The following AGAP1 variants were observed in gnomAD, a reference collection of about 807,000 sequenced individuals.
The protein encoded by AGAP1 is ArfGAP with GTPase domain, ankyrin repeat and PH domain 1.
In AGAP1, 29 loss-of-function variants were observed where a neutral mutation model predicts 105.3. The ratio of observed to expected loss-of-function variants is 0.28; its 90% confidence interval spans 0.21 to 0.38. The LOEUF (loss-of-function observed/expected upper bound fraction) is 0.38. Among genes scored for constraint, AGAP1 ranks in the 10% least tolerant of loss-of-function variants. AGAP1 has a pLI of 1.00. For missense variants in AGAP1, 998 were observed against 1,165.1 expected, an observed-to-expected ratio of 0.86 and a Z score of 2.09; for synonymous variants, 509 against 485.9, an observed-to-expected ratio of 1.05 and a Z score of -0.63.
In AGAP1 at chr2:235,959,711, G is replaced by T. The variant is rs777306016; in HGVS notation, c.1484-8751G>T. On this transcript the variant is annotated intron_variant, in intron 12 of 17. Transcript: ENST00000304032. This position sits in a 1 kb window ranked among gnomAD's most constrained non-coding sequence, Gnocchi z 7.3. ...TCAGCACCATGATGGCCACTCCCTCGTGTAGCCGGTTCCCCTGCTGCTGCA... is the reference window on the plus strand; with the variant it reads ...TCAGCACCATGATGGCCACTCCCTCTTGTAGCCGGTTCCCCTGCTGCTGCA... Among the ~76,000 whole-genome samples, 6 of 152,170 alleles carry T rather than the reference G, an allele frequency of 3.9e-5. 1 individual carries two copies. The South Asian group carries it at 1.2e-3, about 32-fold the overall frequency.
chr2:235,781,340 C>T (rs976012514), intron 6 of AGAP1, among the ~76,000 whole-genome samples: 6 of 152,088 alleles, frequency 3.9e-5, no homozygotes, highest in Non-Finnish European at 8.8e-5. Flanking sequence ...GGATTCATTC[C>T]CTGGAAATGG....
chr2:235,980,745 G>A (rs568551553), intron 13 of AGAP1, among the ~76,000 whole-genome samples: 17 of 152,298 alleles, frequency 1.1e-4, no homozygotes, highest in Non-Finnish European at 1.6e-4. Context: ...CCGTGTGACC[G>A]TGGAGCTCAT....
Position 235,732,778 on chromosome 2 carries a change from C to T in AGAP1, c.311-8185C>T, listed in dbSNP as rs1046644921. Among the ~76,000 whole-genome samples the T allele has an allele frequency of 3.9e-5, 6 of 152,106 alleles. No individual in the cohort carries two copies. Among genetic ancestry groups the T allele is most frequent in the African/African-American group, 7.2e-5 (3 of 41,406 alleles). ...AGTCAAATCTAGGCTGTTGGGAGCC[C>T]GTGACCGCCCTGCTTCCTGTGGTGG... On this transcript the variant is annotated intron_variant, in intron 3 of 17. Transcript: ENST00000304032. The surrounding 1 kb of genome is among the most constrained non-coding windows in gnomAD (Gnocchi z 4.8).
At chr2:235,531,446 G>A (rs1045913576) in intron 1 of AGAP1, among the ~76,000 whole-genome samples, 3 of 152,028 alleles carry the variant, frequency 2.0e-5, no homozygotes, top group Admixed American at 1.3e-4. Flanking sequence ...TCTCTGCATC[G>A]GTCTTCTCTT....
At chr2:235,502,998 C>T (rs1291815267) in intron 1 of AGAP1, among the ~76,000 whole-genome samples, 1 of 152,068 alleles carries the variant, frequency 6.6e-6, no homozygotes, top group Non-Finnish European at 1.5e-5. Context: ...ATGGAGGATA[C>T]TTGAAAGAAA....
At chr2:235,694,478 C>CA (rs1055692749) in intron 1 of AGAP1, among the ~76,000 whole-genome samples, 6,764 of 73,480 alleles carry the variant, frequency 0.092, 250 homozygotes, top group Middle Eastern at 0.12. Context: ...GACTCTGTCT[C>CA]AAAAAAAAAA....
Position 235,642,703 on chromosome 2 carries a change from G to A in AGAP1, c.164-66476G>A, listed in dbSNP as rs1947239397. Among the ~76,000 whole-genome samples, 1 of 152,256 alleles carries A rather than the reference G, an allele frequency of 6.6e-6. No individual in the cohort carries two copies. Among genetic ancestry groups the A allele is most frequent in the Non-Finnish European group, 1.5e-5 (1 of 68,044 alleles). The stretch of plus-strand genomic sequence containing the variant: ...TCCCAAGGCTACTTTGCTTCAGGAA[G>A]TTACAGCAGCCATAGAGGACTCTGC... On this transcript the variant is annotated intron_variant, in intron 1 of 17. Transcript: ENST00000304032. This position sits in a 1 kb window ranked among gnomAD's most constrained non-coding sequence, Gnocchi z 4.1.
At chr2:235,646,905 G>A (rs1232495451) in intron 1 of AGAP1, among the ~76,000 whole-genome samples, 37 of 152,164 alleles carry the variant, frequency 2.4e-4, no homozygotes, top group Admixed American at 2.4e-3. Flanking sequence ...AGAGGCCGAG[G>A]CGGGTGGATC....
chr2:235,904,268 G>T lies in AGAP1; in HGVS notation c.1156-4470G>T, dbSNP rs2051198921. Among the ~76,000 whole-genome samples the T allele has an allele frequency of 1.3e-5, 2 of 152,238 alleles. No homozygotes were observed. Among genetic ancestry groups the T allele is most frequent in the South Asian group, 4.1e-4 (2 of 4,830 alleles). ...GCAAAGGTGCCGGAGCAGGGTTGCA[G>T]GGGGACAGCGAGGCACAGTTACCGA... On this transcript the variant is annotated intron_variant, in intron 10 of 17. Coordinates refer to ENST00000304032, the MANE Select transcript of AGAP1 (RefSeq NM_001037131.3). The surrounding 1 kb of genome is among the most constrained non-coding windows in gnomAD (Gnocchi z 4.2).
rs1376295030 is a variant in AGAP1, at chr2:235,494,520, C to CCCCGCGCCTGCTCCG, written c.-157_-143dup. The CCCCGCGCCTGCTCCG allele has an allele frequency of 1.4e-5, 2 of 144,886 alleles. No homozygotes were observed. Among genetic ancestry groups the CCCCGCGCCTGCTCCG allele is most frequent in the Admixed American group, 6.9e-5 (1 of 14,558 alleles). The allele number at this position is 144,886 out of a possible 1,614,324, so 9.0% of individuals were successfully genotyped here. A position where few individuals can be genotyped will look rare whatever the true frequency, so the allele number is the denominator to read the frequency against. ...GCCATGAACTGAGCCCGCGGGCCAG[C>CCCCGCGCCTGCTCCG]CCCGCGCCTGCTCCGCCCGCGCCTT... On this transcript the variant is annotated 5_prime_UTR_variant, in exon 1 of 18. Coordinates refer to ENST00000304032, the MANE Select transcript of AGAP1 (RefSeq NM_001037131.3).
rs1209971492 is a variant in AGAP1 at position 235,625,896 on chromosome 2, A to G, written c.164-83283A>G. On this transcript the variant is annotated intron_variant, in intron 1 of 17. Coordinates refer to ENST00000304032, the MANE Select transcript of AGAP1 (RefSeq NM_001037131.3). This position sits in a 1 kb window ranked among gnomAD's most constrained non-coding sequence, Gnocchi z 4.0. The stretch of plus-strand genomic sequence containing the variant: ...GTGACCAAGTATTAAAAATGTTCTC[A>G]CATTTATTCTTGAAATTCCACACAG... Among the ~76,000 whole-genome samples, 1 of 152,222 alleles carries G rather than the reference A, an allele frequency of 6.6e-6. No homozygotes were observed. Among genetic ancestry groups the G allele is most frequent in the African/African-American group, 2.4e-5 (1 of 41,450 alleles).
intron 1 of AGAP1, among the ~76,000 whole-genome samples, chr2:235,645,440 G>C (rs1438553753): frequency 3.9e-5 from 6 of 152,296 alleles, no homozygotes; most frequent in Non-Finnish European, 8.8e-5. Flanking sequence ...GCAACAGATA[G>C]ATCCCAAATT....
chr2:236,074,989 G>A (rs1314594581), intron 16 of AGAP1, among the ~76,000 whole-genome samples: 2 of 152,180 alleles, frequency 1.3e-5, no homozygotes, highest in African/African-American at 2.4e-5. Flanking sequence ...AGAGGTGGAG[G>A]TTGCAGTGAG....
At chr2:235,686,642 TATAGATATATATATA>T (rs1949438103) in intron 1 of AGAP1, among the ~76,000 whole-genome samples, 3 of 45,130 alleles carry the variant, frequency 6.6e-5, no homozygotes, top group African/African-American at 3.4e-4. Context: ...TATATATATA[TATAGATATATATATA>T]TATATATATT....
In AGAP1 at chr2:235,960,919, A is replaced by C. The variant is rs1038045324; in HGVS notation, c.1484-7543A>C. Among the ~76,000 whole-genome samples the C allele has an allele frequency of 2.6e-5, 4 of 152,318 alleles. No individual in the cohort carries two copies. The highest frequency in any genetic ancestry group is 2.1e-4 in the South Asian group (1 of 4,834). ...AAGCGTGCTTGTGGCTGGTTTTAAAACTAAGTCGCGAAATTGATACACTGC... is the reference window on the plus strand; with the variant it reads ...AAGCGTGCTTGTGGCTGGTTTTAAACCTAAGTCGCGAAATTGATACACTGC... On this transcript the variant is annotated intron_variant, in intron 12 of 17. Transcript: ENST00000304032. The surrounding 1 kb of genome is among the most constrained non-coding windows in gnomAD (Gnocchi z 4.9).
rs1430847594 is a variant in AGAP1, at chr2:235,614,020, TC to T, written c.164-95154del. ...AATCTTTGGTATGGTTTTTTTTTTT[TC>T]CCCCTTTTGTGTGTTTTGGCCAAAT... On this transcript the variant is annotated intron_variant, in intron 1 of 17. Transcript: ENST00000304032. The surrounding 1 kb of genome is among the most constrained non-coding windows in gnomAD (Gnocchi z 4.7). Among the ~76,000 whole-genome samples the T allele has an allele frequency of 1.7e-4, 24 of 143,280 alleles. No individual in the cohort carries two copies. Among genetic ancestry groups the T allele is most frequent in the South Asian group, 4.3e-4 (2 of 4,698 alleles). 94.0% of individuals were successfully genotyped at this position (143,280 alleles called of 152,430 possible). A position where few individuals can be genotyped will look rare whatever the true frequency, so the allele number is the denominator to read the frequency against.
chr2:236,091,235 G>A (rs1052350474), intron 16 of AGAP1, among the ~76,000 whole-genome samples: 1 of 152,222 alleles, frequency 6.6e-6, no homozygotes, highest in Non-Finnish European at 1.5e-5. Context: ...GGGTGAAGAC[G>A]GAGGTCGCTG....
intron 1 of AGAP1, among the ~76,000 whole-genome samples, chr2:235,688,952 G>T (rs541371794): frequency 6.6e-6 from 1 of 152,198 alleles, no homozygotes; most frequent in African/African-American, 2.4e-5. Context: ...CCCGTGTAAC[G>T]TTCGCCAAGC....
chr2:235,673,959 GCA>G (rs1420993343), intron 1 of AGAP1, among the ~76,000 whole-genome samples: 1 of 152,200 alleles, frequency 6.6e-6, no homozygotes. Context: ...ATTTCCATTA[GCA>G]CAGGGAAGCA....
Sources: gnomAD v4.1 joint callset for allele counts (sites outside exome capture counted in the v4.1 genomes callset) on GRCh38, gnomAD v4.1.1 for gene constraint, Gnocchi (gnomAD v3.1) non-coding constraint, MANE v1.5 for transcripts, NCBI Gene and HGNC (gene_info 2026-07-23, HGNC 2026-07-21) for gene names.